Variants in GRIP1 observed in about 807,000 individuals in gnomAD.
GRIP1 encodes the protein glutamate receptor interacting protein 1.
Under a neutral mutation model 129.9 loss-of-function variants are expected in GRIP1, and 45 were observed. The observed-to-expected ratio is 0.35, with a 90% confidence interval of 0.27 to 0.44. The LOEUF is 0.44. Among genes scored for constraint, GRIP1 ranks in the 20% least tolerant of loss-of-function variants. GRIP1 has a pLI of 1.00. For synonymous variants in GRIP1, 530 were observed against 520.8 expected (o/e 1.02, Z -0.24); for missense variants, 1,196 against 1,396.8 (o/e 0.86, Z 2.29).
chr12:66,882,505 T>C (rs968335404), intron 1 of GRIP1, among the ~76,000 whole-genome samples: 2 of 152,184 alleles, frequency 1.3e-5, no homozygotes, highest in African/African-American at 2.4e-5. Flanking sequence ...TCTTGAGTAA[T>C]TGCTTAACTT....
At chr12:66,402,639 C>A (rs1017980763) in intron 16 of GRIP1, among the ~76,000 whole-genome samples, 2 of 152,132 alleles carry the variant, frequency 1.3e-5, no homozygotes, top group African/African-American at 2.4e-5. Context: ...GAGCAGCCAG[C>A]AGTTAAAGGA....
At chr12:66,655,008 G>T (rs749689347) in intron 1 of GRIP1, among the ~76,000 whole-genome samples, 2 of 152,080 alleles carry the variant, frequency 1.3e-5, no homozygotes, top group Non-Finnish European at 2.9e-5. Flanking sequence ...TTGTACGCAG[G>T]AACATGAAGA....
chr12:66,937,739 A>C (rs1337690673), intron 1 of GRIP1, among the ~76,000 whole-genome samples: 1 of 152,208 alleles, frequency 6.6e-6, no homozygotes, highest in Non-Finnish European at 1.5e-5. Context: ...ACAATCTCTC[A>C]ATAGATATTA....
intron 14 of GRIP1, among the ~76,000 whole-genome samples, chr12:66,427,932 C>T (rs982089270): frequency 2.0e-5 from 3 of 152,194 alleles, no homozygotes; most frequent in Middle Eastern, 3.2e-3. Context: ...AATGTAAAGT[C>T]TCCATGTATT....
chr12:66,405,010 C>A (rs1016118390), intron 16 of GRIP1, among the ~76,000 whole-genome samples: 2 of 152,202 alleles, frequency 1.3e-5, no homozygotes, highest in Non-Finnish European at 2.9e-5. Flanking sequence ...CCATGGCACA[C>A]TCCAGCCTGG....
At chr12:66,964,209 A>AT (rs1275962777) in intron 1 of GRIP1, among the ~76,000 whole-genome samples, 1 of 152,096 alleles carries the variant, frequency 6.6e-6, no homozygotes, top group Non-Finnish European at 1.5e-5. Flanking sequence ...TTATTCAGCA[A>AT]TTTTTTTGTT....
chr12:66,735,944 T>C (rs1232892776), intron 1 of GRIP1, among the ~76,000 whole-genome samples: 5 of 152,076 alleles, frequency 3.3e-5, no homozygotes, highest in African/African-American at 4.8e-5. Flanking sequence ...TGGGATATCA[T>C]GCAGCTGAAT....
intron 9 of GRIP1, among the ~76,000 whole-genome samples, chr12:66,457,126 T>C (rs2058990883): frequency 6.6e-6 from 1 of 152,218 alleles, no homozygotes; most frequent in Non-Finnish European, 1.5e-5. Context: ...AGAAAATCTT[T>C]ATCATGTTTC....
chr12:66,623,291 A>G (rs1441375567), intron 1 of GRIP1, among the ~76,000 whole-genome samples: 2 of 152,202 alleles, frequency 1.3e-5, no homozygotes, highest in Non-Finnish European at 2.9e-5. Flanking sequence ...TAAGCACTTT[A>G]TAAGTATTAA....
chr12:66,955,307 C>T (rs1042974095), intron 1 of GRIP1, among the ~76,000 whole-genome samples: 10 of 151,852 alleles, frequency 6.6e-5, no homozygotes, highest in African/African-American at 2.4e-4. Context: ...GTTCGTAGGC[C>T]CTGAAGCACA....
chr12:67,053,264 G>A (rs999735606), intron 1 of GRIP1, among the ~76,000 whole-genome samples: 6 of 152,116 alleles, frequency 3.9e-5, no homozygotes, highest in Admixed American at 3.9e-4. Context: ...CCAAAGCTGG[G>A]GGATAAGGAG....
rs2055546600 is a variant in GRIP1, at chr12:66,372,212, T to C, written c.2779-285A>G. On this transcript the variant is annotated intron_variant, in intron 22 of 24. Transcript: ENST00000359742. ...AGTTTTGAGGCAAATTGAAATGCTCTAACATTTGCTTACTGTAAACTACAT... is the reference window on the plus strand; with the variant it reads ...AGTTTTGAGGCAAATTGAAATGCTCCAACATTTGCTTACTGTAAACTACAT... 12 of 517,938 alleles carry C rather than the reference T, an allele frequency of 2.3e-5. No individual in the cohort carries two copies. In the South Asian group the frequency reaches 2.5e-4, roughly 11 times the overall value. The allele number at this position is 517,938 out of a possible 1,614,324, so 32.1% of individuals were successfully genotyped here.
intron 1 of GRIP1, among the ~76,000 whole-genome samples, chr12:66,860,432 C>T (rs547128378): frequency 8.5e-5 from 13 of 152,146 alleles, no homozygotes; most frequent in East Asian, 3.9e-4. Flanking sequence ...GACAATAATC[C>T]GATACAATTT....
chr12:66,955,388 A>G (rs1320988610), intron 1 of GRIP1, among the ~76,000 whole-genome samples: 1 of 152,138 alleles, frequency 6.6e-6, no homozygotes, highest in African/African-American at 2.4e-5. Flanking sequence ...CCATATTCTC[A>G]TTTAAATTAT....
chr12:66,947,044 CAA>C (rs1166741520), intron 1 of GRIP1, among the ~76,000 whole-genome samples: 2 of 134,596 alleles, frequency 1.5e-5, no homozygotes, highest in African/African-American at 2.7e-5. Context: ...AACTCCATCT[CAA>C]AAAAAAAAAA....
chr12:66,540,909 C>T (rs546029379), intron 3 of GRIP1, among the ~76,000 whole-genome samples: 95 of 152,282 alleles, frequency 6.2e-4, no homozygotes, highest in African/African-American at 2.2e-3. Context: ...AGTGATTCTC[C>T]TGCCTCAGCC....
chr12:66,980,894 T>C (rs946378214), intron 1 of GRIP1, among the ~76,000 whole-genome samples: 7 of 152,210 alleles, frequency 4.6e-5, no homozygotes, highest in Admixed American at 2.6e-4. Context: ...TCTGCTCTTG[T>C]GACTTGTTCT....
intron 11 of GRIP1, among the ~76,000 whole-genome samples, chr12:66,450,932 T>TC (rs2058775233): frequency 6.6e-6 from 1 of 152,210 alleles, no homozygotes. Context: ...AGGTGAATAT[T>TC]CCCCCGTCAT....
At chr12:67,011,829 C>G (rs2042712848) in intron 1 of GRIP1, among the ~76,000 whole-genome samples, 1 of 152,164 alleles carries the variant, frequency 6.6e-6, no homozygotes, top group Admixed American at 6.6e-5. Context: ...AAGGGCCAGA[C>G]AGTAAATATT....
Sources: gnomAD v4.1 joint callset for allele counts (sites outside exome capture counted in the v4.1 genomes callset) on GRCh38, gnomAD v4.1.1 for gene constraint, MANE v1.5 for transcripts, NCBI Gene and HGNC (gene_info 2026-07-23, HGNC 2026-07-21) for gene names.